HIVEP3: variants seen among roughly 807,000 people sequenced by gnomAD.
HIVEP3 encodes HIVEP zinc finger 3.
A neutral mutation model predicts 152.8 loss-of-function variants in HIVEP3; 49 were observed. That is an observed-to-expected ratio of 0.32 (90% confidence interval 0.26 to 0.41). The LOEUF is 0.41. Ranked by LOEUF, HIVEP3 falls within the 10% of genes least tolerant of loss-of-function variation. The pLI, the probability that HIVEP3 is intolerant of heterozygous loss-of-function variation, is 1.00. For missense variants in HIVEP3, 2,790 were observed against 3,103.3 expected, an observed-to-expected ratio of 0.90 and a Z score of 2.40; for synonymous variants, 1,269 against 1,289.0, an observed-to-expected ratio of 0.98 and a Z score of 0.33.
chr1:41,885,700 T>C (rs1467136803), intron 1 of HIVEP3, among the ~76,000 whole-genome samples: 2 of 150,178 alleles, frequency 1.3e-5, no homozygotes, highest in Admixed American at 1.3e-4. Flanking sequence ...CCTCCTTCCC[T>C]TCCTCCTTCC....
Position 41,582,692 on chromosome 1 carries a change from T to G in HIVEP3, c.2106A>C (p.Lys702Asn). 3 of 1,614,170 alleles carry G rather than the reference T, an allele frequency of 1.9e-6. No homozygotes were observed. Among genetic ancestry groups the G allele is most frequent in the Non-Finnish European group, 2.5e-6 (3 of 1,180,012 alleles). ...HEPWSQMMHY[K>N]LGTTLELTPL... ...GAGTGAGTTCCAGGGTGGTTCCCAGTTTGTAATGCATCATTTGGGACCACG... is the reference window on the plus strand; with the variant it reads ...GAGTGAGTTCCAGGGTGGTTCCCAGGTTGTAATGCATCATTTGGGACCACG... The change falls in exon 4 of 9, where the codon AAA becomes AAC. Residue 702 changes from lysine to asparagine, a missense_variant. Physicochemically the swap from Lys to Asn is moderately conservative, Grantham distance 94. Around this residue, in one of 9 missense-constraint regions of HIVEP3, gnomAD observed 339 missense variants for 327.0 expected, o/e 1.04. Coordinates refer to ENST00000372583, the MANE Select transcript of HIVEP3 (RefSeq NM_024503.5). This position sits in a 1 kb window ranked among gnomAD's most constrained non-coding sequence, Gnocchi z 4.7.
chr1:41,715,303 T>C (rs1471630576), intron 1 of HIVEP3, among the ~76,000 whole-genome samples: 1 of 152,174 alleles, frequency 6.6e-6, no homozygotes, highest in African/African-American at 2.4e-5. Context: ...ATGTCAGAGA[T>C]AGGAGGCGGC....
At chr1:41,828,541 G>A (rs1642868885) in intron 1 of HIVEP3, among the ~76,000 whole-genome samples, 1 of 152,208 alleles carries the variant, frequency 6.6e-6, no homozygotes, top group Non-Finnish European at 1.5e-5. Context: ...GCATTTCTAA[G>A]AGATACTTTA....
At chr1:41,779,679 T>C (rs1248462589) in intron 1 of HIVEP3, among the ~76,000 whole-genome samples, 1 of 152,198 alleles carries the variant, frequency 6.6e-6, no homozygotes, top group Non-Finnish European at 1.5e-5. Context: ...TATTTTTTAG[T>C]AGAGATAGGG....
chr1:41,920,483 A>G (rs1644932617), upstream of HIVEP3, among the ~76,000 whole-genome samples: 2 of 152,186 alleles, frequency 1.3e-5, no homozygotes, highest in African/African-American at 4.8e-5. Flanking sequence ...AGATGTCTCC[A>G]ATCAGGTTTA....
chr1:41,636,383 T>G (rs1160421658), intron 2 of HIVEP3, among the ~76,000 whole-genome samples: 1 of 152,210 alleles, frequency 6.6e-6, no homozygotes, highest in Non-Finnish European at 1.5e-5. Context: ...TTAAAATATT[T>G]CTATACTTTA....
At chr1:41,969,406 A>G (rs1645216777) in intron 1 of HIVEP3, among the ~76,000 whole-genome samples, 1 of 152,198 alleles carries the variant, frequency 6.6e-6, no homozygotes, top group South Asian at 2.1e-4. Flanking sequence ...ATAAGACCAC[A>G]CACCTACAAC....
At chr1:41,840,831 G>A (rs570130674) in intron 1 of HIVEP3, among the ~76,000 whole-genome samples, 1 of 152,308 alleles carries the variant, frequency 6.6e-6, no homozygotes, top group Non-Finnish European at 1.5e-5. Flanking sequence ...GCCTAGGAAG[G>A]AGCCAGGAGA....
At chr1:41,957,879 T>G (rs1274162264) in intron 1 of HIVEP3, among the ~76,000 whole-genome samples, 1 of 152,148 alleles carries the variant, frequency 6.6e-6, no homozygotes, top group Non-Finnish European at 1.5e-5. Context: ...CTAAAACTGA[T>G]CTACATCTGG....
intron 2 of HIVEP3, among the ~76,000 whole-genome samples, chr1:41,636,619 T>C (rs995388504): frequency 4.6e-5 from 7 of 152,122 alleles, no homozygotes; most frequent in Admixed American, 1.3e-4. Context: ...CAGTAAGACA[T>C]ATAGCCAATA....
chr1:41,656,633 A>T (rs1448538802), intron 2 of HIVEP3, among the ~76,000 whole-genome samples: 2 of 152,200 alleles, frequency 1.3e-5, no homozygotes, highest in Non-Finnish European at 2.9e-5. Flanking sequence ...CAGAGTTAAG[A>T]GCCAGACAGA....
rs55918119 is a variant in HIVEP3, at chr1:41,655,582, C to CAAAAAAA, written c.-720-26642_-720-26636dup. Among the ~76,000 whole-genome samples, 8 of 57,428 alleles carry CAAAAAAA rather than the reference C, an allele frequency of 1.4e-4. 1 individual carries two copies. The highest frequency in any genetic ancestry group is 7.9e-4 in the South Asian group (1 of 1,270). The allele number at this position is 57,428 out of a possible 152,430, so 37.7% of individuals were successfully genotyped here. A position where few individuals can be genotyped will look rare whatever the true frequency, so the allele number is the denominator to read the frequency against. On this transcript the variant is annotated intron_variant, in intron 2 of 8. Coordinates refer to ENST00000372583, the MANE Select transcript of HIVEP3 (RefSeq NM_024503.5). ...TGAGTGACAGAGTGACACTCCATCT[C>CAAAAAAA]AAAAAAAAAAAAAAAAAAAAAAAAA... is the stretch of plus-strand genomic sequence containing the variant.
At chr1:41,629,358 G>A (rs1422166864) in intron 2 of HIVEP3, among the ~76,000 whole-genome samples, 1 of 152,156 alleles carries the variant, frequency 6.6e-6, no homozygotes, top group Non-Finnish European at 1.5e-5. Flanking sequence ...CTGGTCACCA[G>A]CCTTGGGAAA....
chr1:41,559,988 C>A (rs1327538600), intron 5 of HIVEP3, among the ~76,000 whole-genome samples: 1 of 152,186 alleles, frequency 6.6e-6, no homozygotes, highest in Non-Finnish European at 1.5e-5. Context: ...TATGCTCAGG[C>A]AGCCACTCAG....
intron 1 of HIVEP3, among the ~76,000 whole-genome samples, chr1:41,810,879 G>A (rs1432250995): frequency 1.3e-5 from 2 of 152,122 alleles, no homozygotes; most frequent in Non-Finnish European, 2.9e-5. Flanking sequence ...GTGGCATGTG[G>A]CTTATGGATT....
chr1:41,986,835 C>T (rs1470983854), intron 1 of HIVEP3, among the ~76,000 whole-genome samples: 1 of 152,118 alleles, frequency 6.6e-6, no homozygotes, highest in Non-Finnish European at 1.5e-5. Flanking sequence ...TAAATGAATA[C>T]TATTTATCAA....
At chr1:41,570,716 T>A (rs1421649235) in intron 5 of HIVEP3, among the ~76,000 whole-genome samples, 2 of 152,208 alleles carry the variant, frequency 1.3e-5, no homozygotes, top group African/African-American at 4.8e-5. Flanking sequence ...ATGCTGCCGA[T>A]GGCTCAGGAA....
intron 1 of HIVEP3, among the ~76,000 whole-genome samples, chr1:41,702,388 G>T (rs894250321): frequency 2.0e-5 from 3 of 152,090 alleles, no homozygotes; most frequent in African/African-American, 7.2e-5. Context: ...AGAGTTATTT[G>T]TATCCACATT....
At chr1:41,605,146 G>A (rs1644801019) in intron 3 of HIVEP3, among the ~76,000 whole-genome samples, 1 of 132,418 alleles carries the variant, frequency 7.6e-6, no homozygotes, top group Non-Finnish European at 1.6e-5. Context: ...GGAAGGGAAG[G>A]GAAGCGGAGG....
Sources: allele counts gnomAD v4.1 joint callset (sites outside exome capture counted in the v4.1 genomes callset), GRCh38; gene constraint gnomAD v4.1.1; regional missense constraint gnomAD v4.1.1; non-coding constraint Gnocchi (gnomAD v3.1); transcripts MANE v1.5; gene names NCBI Gene and HGNC (gene_info 2026-07-23, HGNC 2026-07-21).